Variants in DGKD observed in about 807,000 individuals in gnomAD.
The protein encoded by DGKD is DAG kinase delta.
Under a neutral mutation model 154.4 loss-of-function variants are expected in DGKD, and 68 were observed. The ratio of observed to expected loss-of-function variants is 0.44; its 90% CI spans 0.36 to 0.54. The LOEUF is 0.54. DGKD is among the 20% of genes least tolerant of loss of function. The pLI is 0.00. For missense variants in DGKD, 1,343 were observed against 1,593.6 expected (o/e 0.84, Z 2.68); for synonymous variants, 693 against 638.0 (o/e 1.09, Z -1.30).
intron 3 of DGKD, among the ~76,000 whole-genome samples, chr2:233,433,178 T>A (rs191227676): frequency 8.9e-4 from 136 of 152,326 alleles, no homozygotes; most frequent in African/African-American, 3.2e-3. Context: ...TAGCCAAGAT[T>A]TGGAAGCAAC....
At chr2:233,464,310 G>T in intron 27 of DGKD, 27 bp downstream of exon 27, 3 of 1,609,850 alleles carry the variant, frequency 1.9e-6, no homozygotes, top group Non-Finnish European at 2.5e-6. Context: ...GCTGTGCCTG[G>T]GTCTCCCGGA....
intron 3 of DGKD, among the ~76,000 whole-genome samples, chr2:233,402,674 G>T (rs1444685951): frequency 2.6e-5 from 4 of 152,206 alleles, no homozygotes; most frequent in African/African-American, 7.2e-5. Context: ...GACAAGGTTA[G>T]CCCCTGTGCT....
At chr2:233,398,832 C>T (rs1401560790) in intron 3 of DGKD, among the ~76,000 whole-genome samples, 1 of 152,094 alleles carries the variant, frequency 6.6e-6, no homozygotes, top group Non-Finnish European at 1.5e-5. Flanking sequence ...CCATGTTGGC[C>T]AGGCTGGTCT....
chr2:233,408,798 A>G (rs2061749602), intron 3 of DGKD: 1 of 152,386 alleles, frequency 6.6e-6, no homozygotes, highest in East Asian at 1.9e-4. Flanking sequence ...TGCAGAAGGA[A>G]GTTAACCCAG....
chr2:233,442,010 G>C lies in DGKD; in HGVS notation c.1194+15G>C, dbSNP rs1272463394. The C allele has an allele frequency of 6.2e-7, 1 of 1,611,082 alleles. No individual in the cohort carries two copies. The highest frequency in any genetic ancestry group is 1.1e-5 in the South Asian group (1 of 91,004). On this transcript the variant is annotated intron_variant, in intron 10 of 29. Transcript: ENST00000264057. ...TTCATAAACAGGTACCAGGACAGGA[G>C]GGAGCCCAGCCAGGAGCAGAGAGGG...
intron 1 of DGKD, among the ~76,000 whole-genome samples, chr2:233,361,087 C>T (rs1352197398): frequency 1.4e-5 from 2 of 147,908 alleles, no homozygotes; most frequent in Admixed American, 6.8e-5. Flanking sequence ...CTGAACAAAA[C>T]ATGGGAGCCA....
intron 3 of DGKD, among the ~76,000 whole-genome samples, chr2:233,430,447 A>G (rs2062471948): frequency 6.6e-6 from 1 of 152,210 alleles, no homozygotes; most frequent in African/African-American, 2.4e-5. Context: ...ATGTAATTAA[A>G]TGGAAAGGCA....
At chr2:233,404,425 C>T (rs962892553) in intron 3 of DGKD, among the ~76,000 whole-genome samples, 1 of 152,110 alleles carries the variant, frequency 6.6e-6, no homozygotes, top group Non-Finnish European at 1.5e-5. Context: ...CCTGTTTGCC[C>T]AGGAGAGGGT....
At chr2:233,367,094 C>T (rs777479770) in intron 1 of DGKD, among the ~76,000 whole-genome samples, 4 of 152,162 alleles carry the variant, frequency 2.6e-5, no homozygotes, top group Admixed American at 2.6e-4. Context: ...TCAAGTTTTA[C>T]GCATCATCTT....
chr2:233,362,985 C>G (rs1003441244), intron 1 of DGKD, among the ~76,000 whole-genome samples: 1 of 152,056 alleles, frequency 6.6e-6, no homozygotes, highest in East Asian at 1.9e-4. Flanking sequence ...ATAGCACATA[C>G]AAGTATATAC....
chr2:233,366,253 G>T (rs573039284), intron 1 of DGKD, among the ~76,000 whole-genome samples: 1 of 152,212 alleles, frequency 6.6e-6, no homozygotes, highest in South Asian at 2.1e-4. Context: ...TAATTGGATC[G>T]TGGTTGAAAA....
rs1217046356 is a variant in DGKD, at chr2:233,457,394, G to T, written c.2580+66G>T. The T allele has an allele frequency of 2.5e-6, 3 of 1,181,174 alleles. No homozygotes were observed. Among genetic ancestry groups the T allele is most frequent in the South Asian group, 2.4e-5 (2 of 81,936 alleles). The allele number at this position is 1,181,174 out of a possible 1,614,324, so 73.2% of individuals were successfully genotyped here. A position where few individuals can be genotyped will look rare whatever the true frequency, so the allele number is the denominator to read the frequency against. On this transcript the variant is annotated intron_variant, in intron 21 of 29. Transcript: ENST00000264057. This position sits in a 1 kb window ranked among gnomAD's most constrained non-coding sequence, Gnocchi z 5.5. ...GGAAGAGCTGTCTGAGAGCAGGGGG[G>T]TGTTCTGCTGTGGCTGGGGTGGATC...
intron 1 of DGKD, among the ~76,000 whole-genome samples, chr2:233,372,051 T>TCTCA (rs137966825): frequency 0.09 from 13,666 of 152,084 alleles, 700 homozygotes; most frequent in African/African-American, 0.14. Context: ...TCAGACAGGA[T>TCTCA]CTCACTGTCA....
At chr2:233,377,452 C>T (rs367561495) in intron 1 of DGKD, among the ~76,000 whole-genome samples, 3 of 152,066 alleles carry the variant, frequency 2.0e-5, no homozygotes, top group East Asian at 3.8e-4. Context: ...GGAGAGGTTC[C>T]GTAGTGTATA....
chr2:233,386,011 G>A, intron 1 of DGKD: 1 of 470,422 alleles, frequency 2.1e-6, no homozygotes, highest in South Asian at 1.5e-5. Context: ...GTGCGTGTGT[G>A]TAAGTATGTG....
intron 7 of DGKD, 78 bp downstream of exon 7, chr2:233,436,519 A>C: frequency 6.5e-7 from 1 of 1,534,726 alleles, no homozygotes; most frequent in Middle Eastern, 2.0e-4. Flanking sequence ...GCGGCTCCGC[A>C]TGATCTGCTG....
chr2:233,388,412 C>A, intron 2 of DGKD, 45 bp downstream of exon 2: 1 of 1,566,470 alleles, frequency 6.4e-7, no homozygotes, highest in South Asian at 1.2e-5. Flanking sequence ...ATCACAGGAG[C>A]CGTCCCAGGG....
At chr2:233,370,338 C>T (rs903480205) in intron 1 of DGKD, among the ~76,000 whole-genome samples, 1 of 152,142 alleles carries the variant, frequency 6.6e-6, no homozygotes, top group East Asian at 1.9e-4. Context: ...CTCAGCCCCC[C>T]CAGTAGCTGG....
rs556143683 is a variant in DGKD at position 233,401,037 on chromosome 2, T to C, written c.348+10554T>C. Among the ~76,000 whole-genome samples, 30 of 152,216 alleles carry C rather than the reference T, an allele frequency of 2.0e-4. No individual in the cohort carries two copies. The South Asian group carries it at 2.3e-3, about 12-fold the overall frequency. On this transcript the variant is annotated intron_variant, in intron 3 of 29. Coordinates refer to ENST00000264057, the MANE Select transcript of DGKD (RefSeq NM_152879.3). ...AGGCAGCAGGACTGGGCTCCTTCTC[T>C]TCTTTTGATCTCTGAAAGTACGGGA...
Sources: gnomAD v4.1 joint callset for allele counts (sites outside exome capture counted in the v4.1 genomes callset) on GRCh38, gnomAD v4.1.1 for gene constraint, Gnocchi (gnomAD v3.1) non-coding constraint, MANE v1.5 for transcripts, NCBI Gene and HGNC (gene_info 2026-07-23, HGNC 2026-07-21) for gene names.